The following CDH13 variants were observed in gnomAD, a reference collection of about 807,000 sequenced individuals.
The protein encoded by CDH13 is cadherin-13.
A neutral mutation model predicts 63.8 loss-of-function variants in CDH13; 24 were observed. That is an observed-to-expected ratio of 0.38 (90% CI 0.27 to 0.53). The LOEUF (loss-of-function observed/expected upper bound fraction) is 0.53, where lower values mean the gene tolerates loss of function less well. Among genes scored for constraint, CDH13 ranks in the 20% least tolerant of loss-of-function variants. CDH13 has a pLI of 0.85. For missense variants in CDH13, 1,049 were observed against 903.1 expected (o/e 1.16, Z -2.07); for synonymous variants, 503 against 355.3 (o/e 1.42, Z -4.67).
chr16:83,144,852 C>A (rs1001149797), intron 4 of CDH13, among the ~76,000 whole-genome samples: 1 of 152,168 alleles, frequency 6.6e-6, no homozygotes, highest in Non-Finnish European at 1.5e-5. Context: ...ATGGAAATGG[C>A]CTTCTCTCCT....
At chr16:82,840,132 G>T (rs2038943936) in intron 1 of CDH13, among the ~76,000 whole-genome samples, 1 of 152,096 alleles carries the variant, frequency 6.6e-6, no homozygotes, top group African/African-American at 2.4e-5. Context: ...CACAATGAAA[G>T]TTAACGCTAT....
intron 8 of CDH13, among the ~76,000 whole-genome samples, chr16:83,622,553 T>C (rs931077993): frequency 6.6e-6 from 1 of 152,220 alleles, no homozygotes; most frequent in East Asian, 1.9e-4. Context: ...TAGCTTATAA[T>C]TGATACTCCA....
chr16:83,406,729 G>T (rs1351314835), intron 6 of CDH13, among the ~76,000 whole-genome samples: 6 of 152,136 alleles, frequency 3.9e-5, no homozygotes, highest in African/African-American at 1.2e-4. Flanking sequence ...ACCTCCCAAA[G>T]TGCTGGGATT....
At chr16:83,119,783 C>A (rs1216793601) in intron 3 of CDH13, among the ~76,000 whole-genome samples, 1 of 152,082 alleles carries the variant, frequency 6.6e-6, no homozygotes, top group Non-Finnish European at 1.5e-5. Flanking sequence ...CTTACACGGT[C>A]CCAGTCATAC....
Position 83,798,530 on chromosome 16 carries a change from A to G in CDH13, c.*3500A>G, listed in dbSNP as rs1904294783. On this transcript the variant is annotated 3_prime_UTR_variant, in exon 14 of 14. Transcript: ENST00000567109. ...TATCTTCTCCAACTCACAGATAAAGAAGGCTGAGGCTCAGAAAAATTGAAT... is the reference window on the plus strand; with the variant it reads ...TATCTTCTCCAACTCACAGATAAAGGAGGCTGAGGCTCAGAAAAATTGAAT... The G allele has an allele frequency of 6.6e-6, 1 of 152,260 alleles. No individual in the cohort carries two copies. Among genetic ancestry groups the G allele is most frequent in the Non-Finnish European group, 1.5e-5 (1 of 68,054 alleles). 9.4% of individuals were successfully genotyped at this position (152,260 alleles called of 1,614,324 possible). A position where few individuals can be genotyped will look rare whatever the true frequency, so the allele number is the denominator to read the frequency against.
At chr16:83,151,776 C>G (rs1459539591) in intron 4 of CDH13, among the ~76,000 whole-genome samples, 2 of 152,088 alleles carry the variant, frequency 1.3e-5, no homozygotes, top group African/African-American at 4.8e-5. Flanking sequence ...GCCAGCCTGA[C>G]CAACATGGTG....
chr16:83,415,314 G>T (rs2092184190), intron 6 of CDH13, among the ~76,000 whole-genome samples: 1 of 152,098 alleles, frequency 6.6e-6, no homozygotes, highest in Non-Finnish European at 1.5e-5. Context: ...TAAAGCTTAA[G>T]ACCAGATGTT....
chr16:83,577,498 T>C (rs4782821), intron 7 of CDH13, among the ~76,000 whole-genome samples: 125,383 of 152,158 alleles, frequency 0.82, 51,866 homozygotes, highest in East Asian at 0.92. Flanking sequence ...GGGGTCTGCA[T>C]TCTTTATTTA....
At chr16:82,911,770 C>T (rs983110227) in intron 2 of CDH13, among the ~76,000 whole-genome samples, 1 of 152,090 alleles carries the variant, frequency 6.6e-6, no homozygotes, top group Non-Finnish European at 1.5e-5. Flanking sequence ...GCCTAGGTCC[C>T]TCACACCTAT....
intron 11 of CDH13, among the ~76,000 whole-genome samples, chr16:83,755,353 A>C (rs558744553): frequency 1.3e-5 from 2 of 152,274 alleles, no homozygotes; most frequent in Admixed American, 6.5e-5. Flanking sequence ...TTACAGAAGG[A>C]TAGGAGAGTG....
At chr16:83,271,269 T>A (rs2088798735) in intron 5 of CDH13, among the ~76,000 whole-genome samples, 1 of 151,460 alleles carries the variant, frequency 6.6e-6, no homozygotes, top group Non-Finnish European at 1.5e-5. Context: ...CTTGCTCATC[T>A]TCTTGTATTT....
At chr16:83,148,933 T>C (rs1037498217) in intron 4 of CDH13, among the ~76,000 whole-genome samples, 1 of 152,198 alleles carries the variant, frequency 6.6e-6, no homozygotes, top group African/African-American at 2.4e-5. Flanking sequence ...ATTACACTCA[T>C]TATCTTAAAT....
chr16:83,326,757 C>G (rs1239113778), intron 5 of CDH13, among the ~76,000 whole-genome samples: 13 of 152,126 alleles, frequency 8.5e-5, no homozygotes, highest in African/African-American at 2.7e-4. Flanking sequence ...CTGGCCAGGA[C>G]ACTTAAGAAA....
intron 2 of CDH13, among the ~76,000 whole-genome samples, chr16:82,966,010 C>G (rs1279110801): frequency 6.6e-6 from 1 of 152,174 alleles, no homozygotes; most frequent in East Asian, 1.9e-4. Flanking sequence ...AACGAGTTGA[C>G]CAAGCGTCTT....
intron 10 of CDH13, among the ~76,000 whole-genome samples, chr16:83,708,956 G>C (rs979693437): frequency 6.6e-6 from 1 of 152,150 alleles, no homozygotes; most frequent in African/African-American, 2.4e-5. Context: ...CTCAGGAGGC[G>C]GAGGTTGTGA....
chr16:83,497,479 G>C (rs2074172621), intron 7 of CDH13, among the ~76,000 whole-genome samples: 1 of 138,792 alleles, frequency 7.2e-6, no homozygotes. Context: ...CATGGACACA[G>C]GAAGGGGAAT....
chr16:83,151,094 T>G (rs1165992073), intron 4 of CDH13, among the ~76,000 whole-genome samples: 2 of 152,202 alleles, frequency 1.3e-5, no homozygotes, highest in East Asian at 3.8e-4. Context: ...CCACTCAACC[T>G]TACTACCTTT....
chr16:82,842,378 T>A (rs2039071944), intron 1 of CDH13, among the ~76,000 whole-genome samples: 2 of 151,696 alleles, frequency 1.3e-5, no homozygotes, highest in African/African-American at 4.8e-5. Context: ...TCCTTGAATT[T>A]CAAGTCCTTG....
chr16:83,123,674 C>T (rs991101295), intron 3 of CDH13, among the ~76,000 whole-genome samples: 2 of 152,136 alleles, frequency 1.3e-5, no homozygotes, highest in African/African-American at 4.8e-5. Flanking sequence ...CACACAAGTG[C>T]AGGTATTGTT....
Sources: gnomAD v4.1 joint callset for allele counts (sites outside exome capture counted in the v4.1 genomes callset) on GRCh38, gnomAD v4.1.1 for gene constraint, MANE v1.5 for transcripts, NCBI Gene and HGNC (gene_info 2026-07-23, HGNC 2026-07-21) for gene names.